The following CD302 variants were observed in gnomAD, a reference collection of about 807,000 sequenced individuals.
The protein encoded by CD302 is CD302 antigen.
A neutral mutation model predicts 26.5 loss-of-function variants in CD302; 23 were observed. The observed-to-expected ratio is 0.87, with a 90% CI of 0.62 to 1.23. The LOEUF (loss-of-function observed/expected upper bound fraction) is 1.23. CD302 is among the 50% of genes most tolerant of loss of function. CD302 has a pLI of 0.00. For synonymous variants in CD302, 90 were observed against 99.4 expected (o/e 0.91, Z 0.56); for missense variants, 290 against 275.5 (o/e 1.05, Z -0.37).
chr2:159,772,614 A>C (rs1194831974), intron 5 of CD302, among the ~76,000 whole-genome samples: 2 of 152,214 alleles, frequency 1.3e-5, no homozygotes, highest in African/African-American at 4.8e-5. Context: ...TAATCTTTCT[A>C]TAAGAATCCA....
intron 5 of CD302, among the ~76,000 whole-genome samples, chr2:159,774,887 C>A (rs753110227): frequency 6.6e-6 from 1 of 152,132 alleles, no homozygotes; most frequent in South Asian, 2.1e-4. Context: ...TGGGTTGTTT[C>A]CTTGCTGCTT....
rs1281097539 is a variant in CD302 at position 159,771,056 on chromosome 2, G to A, written c.*795C>T. ...CAGTTGTACTTAAGTGTTTTTCTTC[G>A]GTTTTTGCTTGCACAGTTTTCATGT... On this transcript the variant is annotated 3_prime_UTR_variant, in exon 6 of 6. Transcript: ENST00000259053. The A allele has an allele frequency of 4.6e-5, 7 of 151,896 alleles. No homozygotes were observed. The highest frequency in any genetic ancestry group is 1.5e-5 in the Non-Finnish European group (1 of 67,962). The allele number at this position is 151,896 out of a possible 1,614,324, so 9.4% of individuals were successfully genotyped here. A position where few individuals can be genotyped will look rare whatever the true frequency, so the allele number is the denominator to read the frequency against.
rs1406805590 is a variant in CD302, at chr2:159,775,698, G to A, written c.496+2240C>T. Among the ~76,000 whole-genome samples the A allele has an allele frequency of 2.0e-5, 3 of 152,184 alleles. No homozygotes were observed. The South Asian group carries it at 6.2e-4, about 32-fold the overall frequency. On this transcript the variant is annotated intron_variant, in intron 5 of 5. Coordinates refer to ENST00000259053, the MANE Select transcript of CD302 (RefSeq NM_014880.5). ...CAGTAGCATTAAGTACATTCACTTCGTTGTGCTACATCACCACCATCCATT... is the reference window on the plus strand; with the variant it reads ...CAGTAGCATTAAGTACATTCACTTCATTGTGCTACATCACCACCATCCATT...
At chr2:159,787,951 C>CA (rs1247357919) in intron 1 of CD302, among the ~76,000 whole-genome samples, 4 of 151,900 alleles carry the variant, frequency 2.6e-5, no homozygotes, top group Non-Finnish European at 5.9e-5. Flanking sequence ...CTAAAAAATA[C>CA]AAAAAATTAG....
chr2:159,793,816 A>G (rs1022268453), intron 1 of CD302, among the ~76,000 whole-genome samples: 3 of 152,104 alleles, frequency 2.0e-5, no homozygotes, highest in African/African-American at 7.2e-5. Flanking sequence ...CTTTCAAGAC[A>G]TCCATCTCCA....
At chr2:159,788,178 G>A (rs1305851612) in intron 1 of CD302, among the ~76,000 whole-genome samples, 2 of 148,958 alleles carry the variant, frequency 1.3e-5, no homozygotes, top group Non-Finnish European at 3.0e-5. Flanking sequence ...TGCAAATACA[G>A]AATTGTAGAA....
intron 1 of CD302, among the ~76,000 whole-genome samples, chr2:159,791,487 G>A (rs1708805629): frequency 6.6e-6 from 1 of 152,154 alleles, no homozygotes; most frequent in African/African-American, 2.4e-5. Flanking sequence ...GCCTATACAT[G>A]TTTACATAGC....
rs1235763552 is a variant in CD302 at position 159,794,512 on chromosome 2, A to AAATT, written c.67+3616_67+3619dup. On this transcript the variant is annotated intron_variant, in intron 1 of 5. Transcript: ENST00000259053. ...AAGAAAAATAAACATTAACATTTCAAAATTAATTAATTTATTTATTTATTT... is the reference window on the plus strand; with the variant it reads ...AAGAAAAATAAACATTAACATTTCAAAATTAATTAATTAATTTATTTATTTATTT... 4.3e-4 allele frequency among the ~76,000 whole-genome samples: 11 copies of AAATT among 25,782 alleles called. 1 individual carries two copies. In the South Asian group the frequency reaches 9.3e-3, roughly 22 times the overall value. The allele number at this position is 25,782 out of a possible 152,430, so 16.9% of individuals were successfully genotyped here.
chr2:159,774,451 A>G (rs1708250524), intron 5 of CD302, among the ~76,000 whole-genome samples: 1 of 152,204 alleles, frequency 6.6e-6, no homozygotes, highest in South Asian at 2.1e-4. Context: ...CCCGAACTAT[A>G]CATAATCCAC....
In CD302 at chr2:159,771,941, T is replaced by G. The variant is rs146382655; in HGVS notation, c.609A>C (p.Thr203=). ...GTGATTGGGGTGCGGTTGAAAAAAC[T>G]GTGGTGAAACGAGAATCAGAATGTT... The part of the protein sequence containing the change: ...YKKHSDSRFT[T]VFSTAPQSPY... Residue 203 remains threonine (T), a synonymous_variant, in exon 6 of 6, where the codon ACA becomes ACC. Transcript: ENST00000259053. 70 of 1,613,114 alleles carry G rather than the reference T, an allele frequency of 4.3e-5. No homozygotes were observed. The African/African-American group carries it at 6.6e-4, about 15-fold the overall frequency.
At position 159,783,487 on chromosome 2, in the gene CD302, G is replaced by A. The variant is rs764089377; in HGVS notation, c.68-18C>T. ...AGGACAGTCTATGTAGAAAAAAGAA[G>A]AACACTGTTAAATAACTTGAGAAAA... On this transcript the variant is annotated intron_variant, in intron 1 of 5. Transcript: ENST00000259053. 3 of 1,557,306 alleles carry A rather than the reference G, an allele frequency of 1.9e-6. No individual in the cohort carries two copies. Among genetic ancestry groups the A allele is most frequent in the African/African-American group, 2.8e-5 (2 of 72,516 alleles).
At chr2:159,779,503 AATAAAAGT>A (rs1414642557) in intron 4 of CD302, among the ~76,000 whole-genome samples, 1 of 152,206 alleles carries the variant, frequency 6.6e-6, no homozygotes, top group Non-Finnish European at 1.5e-5. Flanking sequence ...AAGCAGACAG[AATAAAAGT>A]ATGCCTATTT....
In CD302 at chr2:159,771,806, T is replaced by C. The variant is rs895067566; in HGVS notation, c.*45A>G. 1 of 1,599,568 alleles carries C rather than the reference T, an allele frequency of 6.3e-7. No homozygotes were observed. Among genetic ancestry groups the C allele is most frequent in the Non-Finnish European group, 8.6e-7 (1 of 1,168,774 alleles). On this transcript the variant is annotated 3_prime_UTR_variant, in exon 6 of 6. Coordinates refer to ENST00000259053, the MANE Select transcript of CD302 (RefSeq NM_014880.5). Reference sequence around the variant, plus strand: ...ATTAAAATCTTTCCCAAGTTATCTCTGCCAGGGCATTTTGTTGATGTCTTA... The same window carrying C: ...ATTAAAATCTTTCCCAAGTTATCTCCGCCAGGGCATTTTGTTGATGTCTTA...
Position 159,770,606 on chromosome 2 carries a change from A to G in CD302, c.*1245T>C, listed in dbSNP as rs1708114138. On this transcript the variant is annotated 3_prime_UTR_variant, in exon 6 of 6. Transcript: ENST00000259053. ...TTTGAGCCTCAGACTTCTAGACAGT[A>G]TACTTCAGTCAGTAATGGACCACAT... 6.6e-6 allele frequency: 1 copy of G among 152,196 alleles called. No homozygotes were observed. Among genetic ancestry groups the G allele is most frequent in the Non-Finnish European group, 1.5e-5 (1 of 68,014 alleles). The allele number at this position is 152,196 out of a possible 1,614,324, so 9.4% of individuals were successfully genotyped here. A position where few individuals can be genotyped will look rare whatever the true frequency, so the allele number is the denominator to read the frequency against.
intron 1 of CD302, among the ~76,000 whole-genome samples, chr2:159,797,222 T>TG (rs59874954): frequency 0.35 from 36,009 of 104,078 alleles, 5,834 homozygotes; most frequent in African/African-American, 0.37. Context: ...GGGCAAGGGG[T>TG]GGGGGGGGGG....
intron 5 of CD302, among the ~76,000 whole-genome samples, chr2:159,775,473 G>T (rs1708285366): frequency 6.6e-6 from 1 of 152,136 alleles, no homozygotes; most frequent in Non-Finnish European, 1.5e-5. Flanking sequence ...TAGCTTAAAA[G>T]TCATAGTTCT....
At chr2:159,788,203 TCATTTA>T (rs1708718893) in intron 1 of CD302, among the ~76,000 whole-genome samples, 1 of 101,754 alleles carries the variant, frequency 9.8e-6, no homozygotes, top group African/African-American at 3.7e-5. Context: ...AGCTTATCTT[TCATTTA>T]AGATGTACAT....
intron 1 of CD302, among the ~76,000 whole-genome samples, chr2:159,784,553 G>A (rs1218480381): frequency 2.0e-5 from 3 of 151,492 alleles, no homozygotes; most frequent in African/African-American, 4.8e-5. Context: ...ACAAGGTTTC[G>A]CCACGTTGCC....
chr2:159,794,537 T>A (rs867776769), intron 1 of CD302, among the ~76,000 whole-genome samples: 18,807 of 151,180 alleles, frequency 0.12, 1,241 homozygotes, highest in African/African-American at 0.16. Flanking sequence ...TTTATTTATT[T>A]ATTTATTTAT....
Sources: gnomAD v4.1 joint callset for allele counts (sites outside exome capture counted in the v4.1 genomes callset) on GRCh38, gnomAD v4.1.1 for gene constraint, MANE v1.5 for transcripts, NCBI Gene and HGNC (gene_info 2026-07-23, HGNC 2026-07-21) for gene names.